Variants in DNAJC1 observed in about 807,000 individuals in gnomAD.
DNAJC1 encodes the protein dnaJ homolog subfamily C member 1.
DNAJC1 carries 58 observed loss-of-function variants against 76.6 expected under a neutral mutation model. The observed-to-expected ratio is 0.76, with a 90% CI of 0.61 to 0.94. The LOEUF (loss-of-function observed/expected upper bound fraction) is 0.94, where lower values mean the gene tolerates loss of function less well. DNAJC1 is among the 40% of genes least tolerant of loss of function. The pLI is 0.00. For synonymous variants in DNAJC1, 258 were observed against 267.9 expected (o/e 0.96, Z 0.36); for missense variants, 689 against 677.3 (o/e 1.02, Z -0.19).
chr10:21,993,288 G>GA (rs1358047290), intron 1 of DNAJC1, among the ~76,000 whole-genome samples: 5 of 152,156 alleles, frequency 3.3e-5, no homozygotes, highest in African/African-American at 9.7e-5. Flanking sequence ...AAAAGCATCA[G>GA]AACTGCATGC....
At chr10:21,876,377 G>A (rs1254974175) in intron 8 of DNAJC1, among the ~76,000 whole-genome samples, 1 of 152,074 alleles carries the variant, frequency 6.6e-6, no homozygotes, top group Non-Finnish European at 1.5e-5. Context: ...CTCCCAGAGT[G>A]CTGAGATTAT....
At chr10:21,901,263 G>A (rs991677140) in intron 7 of DNAJC1, among the ~76,000 whole-genome samples, 7 of 152,068 alleles carry the variant, frequency 4.6e-5, no homozygotes, top group African/African-American at 1.4e-4. Context: ...GGAAATAATC[G>A]AGTTTACTTC....
chr10:21,884,501 A>T (rs1475933593), intron 7 of DNAJC1, among the ~76,000 whole-genome samples: 2 of 152,178 alleles, frequency 1.3e-5, no homozygotes, highest in African/African-American at 4.8e-5. Flanking sequence ...CAGTCTAAAC[A>T]TATCCATTAA....
chr10:21,791,193 T>G (rs1441019240), intron 9 of DNAJC1, among the ~76,000 whole-genome samples: 1 of 152,146 alleles, frequency 6.6e-6, no homozygotes, highest in African/African-American at 2.4e-5. Context: ...ATATGCACAG[T>G]TGTGAATATA....
At chr10:21,927,425 T>TA (rs1837147011) in intron 3 of DNAJC1, among the ~76,000 whole-genome samples, 1 of 152,200 alleles carries the variant, frequency 6.6e-6, no homozygotes, top group Admixed American at 6.5e-5. Flanking sequence ...ATTACCCCCC[T>TA]AGTGAAGGAC....
intron 1 of DNAJC1, among the ~76,000 whole-genome samples, chr10:21,967,259 G>T (rs1377158431): frequency 6.6e-6 from 1 of 152,008 alleles, no homozygotes; most frequent in Non-Finnish European, 1.5e-5. Context: ...TGTGTCTTTA[G>T]TTTTACCTTT....
At position 21,942,878 on chromosome 10, in the gene DNAJC1, C is replaced by A. The variant is rs1590060089; in HGVS notation, c.223-13737G>T. Among the ~76,000 whole-genome samples, 5 of 150,770 alleles carry A rather than the reference C, an allele frequency of 3.3e-5. No homozygotes were observed. In the Middle Eastern group the frequency reaches 0.017, roughly 527 times the overall value. On this transcript the variant is annotated intron_variant, in intron 1 of 11. Coordinates refer to ENST00000376980, the MANE Select transcript of DNAJC1 (RefSeq NM_022365.4). Reference sequence around the variant, plus strand: ...CAATACCAAGCCTATATTCATGGTTCATTTAAAAAATGAGCAATAAGTCTG... The same window carrying A: ...CAATACCAAGCCTATATTCATGGTTAATTTAAAAAATGAGCAATAAGTCTG...
chr10:21,790,624 T>C (rs1411131940), intron 9 of DNAJC1, among the ~76,000 whole-genome samples: 2 of 151,932 alleles, frequency 1.3e-5, no homozygotes, highest in African/African-American at 2.4e-5. Context: ...CACCACTACA[T>C]TGGCCTTACA....
rs921871230 is a variant in DNAJC1 at position 21,908,899 on chromosome 10, T to C, written c.730-4287A>G. Among the ~76,000 whole-genome samples the C allele has an allele frequency of 1.6e-4, 24 of 151,926 alleles. No homozygotes were observed. In the South Asian group the frequency reaches 1.7e-3, roughly 11 times the overall value. On this transcript the variant is annotated intron_variant, in intron 6 of 11. Transcript: ENST00000376980. ...CTTAAAATTTCTTTCTTTTTTTTTT[T>C]CCCCAAGACAGAGTCTCGCTGTGTC... is the stretch of plus-strand genomic sequence containing the variant.
At chr10:21,821,491 G>A (rs1440468421) in intron 8 of DNAJC1, among the ~76,000 whole-genome samples, 2 of 152,060 alleles carry the variant, frequency 1.3e-5, no homozygotes, top group Admixed American at 1.3e-4. Flanking sequence ...TAAAGTCAAT[G>A]AATGACTGTC....
chr10:21,861,893 C>A (rs1835920787), intron 8 of DNAJC1, among the ~76,000 whole-genome samples: 1 of 151,888 alleles, frequency 6.6e-6, no homozygotes, highest in Non-Finnish European at 1.5e-5. Context: ...ATTCTTTCAT[C>A]CCTTCACTTT....
At chr10:21,949,637 G>A (rs1344487525) in intron 1 of DNAJC1, among the ~76,000 whole-genome samples, 4 of 150,888 alleles carry the variant, frequency 2.7e-5, no homozygotes, top group African/African-American at 9.8e-5. Flanking sequence ...GGCTGGTTTC[G>A]AACTCTTGAC....
At chr10:21,790,010 T>TAAAAAAAAAA (rs35639440) in intron 9 of DNAJC1, among the ~76,000 whole-genome samples, 9 of 41,092 alleles carry the variant, frequency 2.2e-4, no homozygotes, top group African/African-American at 8.3e-4. Flanking sequence ...GCTCTGTCTT[T>TAAAAAAAAAA]AAAAAAAAAA....
intron 11 of DNAJC1, 72 bp downstream of exon 11, chr10:21,759,098 C>T: frequency 6.9e-7 from 1 of 1,457,922 alleles, no homozygotes. Context: ...GAAGAAGCTG[C>T]AGGCAGACAA....
At position 21,929,025 on chromosome 10, in the gene DNAJC1, G is replaced by C. The variant is rs1466542356; in HGVS notation, c.324+15C>G. 4.1e-6 allele frequency: 6 copies of C among 1,465,818 alleles called. No homozygotes were observed. The highest frequency in any genetic ancestry group is 2.3e-5 in the East Asian group (1 of 43,804). The allele number at this position is 1,465,818 out of a possible 1,614,324, so 90.8% of individuals were successfully genotyped here. A position where few individuals can be genotyped will look rare whatever the true frequency, so the allele number is the denominator to read the frequency against. Reference sequence around the variant, plus strand: ...TTTGTCACAAAATATATATATAATAGCATATTTCACTTACTTGTCTAAACT... The same window carrying C: ...TTTGTCACAAAATATATATATAATACCATATTTCACTTACTTGTCTAAACT... On this transcript the variant is annotated intron_variant, in intron 2 of 11. Coordinates refer to ENST00000376980, the MANE Select transcript of DNAJC1 (RefSeq NM_022365.4).
intron 8 of DNAJC1, among the ~76,000 whole-genome samples, chr10:21,868,463 G>A (rs2131706380): frequency 6.6e-6 from 1 of 152,022 alleles, no homozygotes; most frequent in South Asian, 2.1e-4. Flanking sequence ...ATGAACTGTA[G>A]TACAGGCATA....
intron 3 of DNAJC1, among the ~76,000 whole-genome samples, chr10:21,922,499 G>C (rs1837057121): frequency 6.6e-6 from 1 of 151,920 alleles, no homozygotes; most frequent in Non-Finnish European, 1.5e-5. Flanking sequence ...GTAATGTATG[G>C]TTTGGCAGTA....
At chr10:21,818,447 C>T (rs1464953133) in intron 8 of DNAJC1, among the ~76,000 whole-genome samples, 2 of 152,220 alleles carry the variant, frequency 1.3e-5, no homozygotes, top group East Asian at 1.9e-4. Flanking sequence ...CCTGTGATCT[C>T]GCCCTGCCTC....
chr10:21,856,368 G>A (rs1442806472), intron 8 of DNAJC1, among the ~76,000 whole-genome samples: 1 of 152,052 alleles, frequency 6.6e-6, no homozygotes, highest in African/African-American at 2.4e-5. Flanking sequence ...TTATTATTGT[G>A]TATGTCTTTG....
Sources: allele counts gnomAD v4.1 joint callset (sites outside exome capture counted in the v4.1 genomes callset), GRCh38; gene constraint gnomAD v4.1.1; transcripts MANE v1.5; gene names NCBI Gene and HGNC (gene_info 2026-07-23, HGNC 2026-07-21).